PRKG2: variants seen among roughly 807,000 people sequenced by gnomAD.
PRKG2 encodes the protein protein kinase cGMP-dependent 2.
A neutral mutation model predicts 97.2 loss-of-function variants in PRKG2; 33 were observed. The ratio of observed to expected loss-of-function variants is 0.34; its 90% confidence interval spans 0.26 to 0.45. The LOEUF is 0.45. Ranked by LOEUF, PRKG2 falls within the 20% of genes least tolerant of loss-of-function variation. The probability of loss-of-function intolerance (pLI) is 1.00; values close to 1 mark genes in which losing one functional copy is unlikely to be tolerated. For missense variants in PRKG2, 638 were observed against 900.0 expected (o/e 0.71, Z 3.73); for synonymous variants, 330 against 321.8 (o/e 1.03, Z -0.27).
intron 14 of PRKG2, among the ~76,000 whole-genome samples, chr4:81,123,542 C>T (rs559292437): frequency 6.6e-6 from 1 of 152,198 alleles, no homozygotes; most frequent in African/African-American, 2.4e-5. Context: ...GGAGCTGGGA[C>T]TACAGGTGCC....
At chr4:81,134,985 A>T (rs528163407) in intron 14 of PRKG2, among the ~76,000 whole-genome samples, 170 bp downstream of exon 14, 1 of 152,328 alleles carries the variant, frequency 6.6e-6, no homozygotes, top group African/African-American at 2.4e-5. Flanking sequence ...TAGGTCAAAA[A>T]TAATGTACTC....
chr4:81,106,398 G>A (rs1578346982), intron 15 of PRKG2, among the ~76,000 whole-genome samples: 1 of 152,160 alleles, frequency 6.6e-6, no homozygotes, highest in Non-Finnish European at 1.5e-5. Context: ...AGTGAAGTGG[G>A]CAGTGTGGCT....
chr4:81,168,148 C>T (rs1750151443), intron 5 of PRKG2, among the ~76,000 whole-genome samples: 1 of 151,972 alleles, frequency 6.6e-6, no homozygotes, highest in African/African-American at 2.4e-5. Context: ...TTAACACAGG[C>T]TATCATGAAA....
intron 7 of PRKG2, chr4:81,153,356 G>C (rs1478985732): frequency 3.9e-6 from 1 of 256,586 alleles, no homozygotes; most frequent in African/African-American, 2.2e-5. Context: ...ATAGCCAGAA[G>C]GGACCTTATA....
intron 16 of PRKG2, among the ~76,000 whole-genome samples, chr4:81,104,889 A>G (rs1295526160): frequency 6.6e-6 from 1 of 152,126 alleles, no homozygotes; most frequent in Non-Finnish European, 1.5e-5. Context: ...CAGCAAAATG[A>G]ATTTTAAACA....
chr4:81,130,376 G>C (rs1460928557), intron 14 of PRKG2, among the ~76,000 whole-genome samples: 1 of 152,096 alleles, frequency 6.6e-6, no homozygotes, highest in Non-Finnish European at 1.5e-5. Context: ...CATCCCAGAG[G>C]GGCACCTGCC....
In PRKG2 at chr4:81,168,417, C is replaced by T. The variant is rs147656590; in HGVS notation, c.849-1193G>A. 5.4e-4 allele frequency among the ~76,000 whole-genome samples: 82 copies of T among 152,108 alleles called. 1 individual carries two copies. Among genetic ancestry groups the T allele is most frequent in the African/African-American group, 1.9e-3 (77 of 41,528 alleles). ...AATGAATATTCACTAGTAGATTATC[C>T]GAGCTTTTTCCACTAAGAACATACT... is the stretch of plus-strand genomic sequence containing the variant. On this transcript the variant is annotated intron_variant, in intron 5 of 18. Coordinates refer to ENST00000264399, the MANE Select transcript of PRKG2 (RefSeq NM_006259.3).
At chr4:81,095,678 G>T (rs1742042370) in intron 17 of PRKG2, among the ~76,000 whole-genome samples, 1 of 152,172 alleles carries the variant, frequency 6.6e-6, no homozygotes, top group African/African-American at 2.4e-5. Flanking sequence ...ATGCAGTGGT[G>T]TGTAAAAAAT....
At chr4:81,184,794 T>C (rs1195773997) in intron 2 of PRKG2, among the ~76,000 whole-genome samples, 1 of 152,098 alleles carries the variant, frequency 6.6e-6, no homozygotes, top group African/African-American at 2.4e-5. Context: ...GAGAAGAACA[T>C]AAATGACCTG....
intron 5 of PRKG2, among the ~76,000 whole-genome samples, chr4:81,168,766 A>T (rs1480894596): frequency 6.6e-6 from 1 of 152,184 alleles, no homozygotes; most frequent in East Asian, 1.9e-4. Context: ...AATCTCATTC[A>T]ATGTTTATTG....
chr4:81,153,609 T>C (rs1466673323), intron 7 of PRKG2, 35 bp downstream of exon 7: 5 of 1,478,496 alleles, frequency 3.4e-6, no homozygotes, highest in South Asian at 1.2e-5. Flanking sequence ...TTTAAAATAA[T>C]CTTTTTTATT....
At chr4:81,144,594 TTATA>T (rs61559089) in intron 9 of PRKG2, among the ~76,000 whole-genome samples, 1 of 131,324 alleles carries the variant, frequency 7.6e-6, no homozygotes, top group Non-Finnish European at 1.5e-5. Context: ...GTATTTAAGG[TTATA>T]TATATATATA....
intron 5 of PRKG2, among the ~76,000 whole-genome samples, chr4:81,169,393 TG>T (rs1436468336): frequency 6.6e-6 from 1 of 152,100 alleles, no homozygotes. Context: ...TTAGGTTTTT[TG>T]CACATTTTTC....
chr4:81,094,512 G>T (rs1741923815), intron 17 of PRKG2, among the ~76,000 whole-genome samples: 1 of 152,052 alleles, frequency 6.6e-6, no homozygotes, highest in Non-Finnish European at 1.5e-5. Flanking sequence ...TTTTTGTTTT[G>T]CTGGGAGGTG....
At chr4:81,129,005 G>C (rs1045303288) in intron 14 of PRKG2, among the ~76,000 whole-genome samples, 1 of 152,076 alleles carries the variant, frequency 6.6e-6, no homozygotes, top group African/African-American at 2.4e-5. Flanking sequence ...AGAAATTCTG[G>C]TATGTTGTGT....
chr4:81,158,859 A>G (rs1010165220), intron 6 of PRKG2, among the ~76,000 whole-genome samples: 10 of 152,030 alleles, frequency 6.6e-5, no homozygotes, highest in East Asian at 3.9e-4. Flanking sequence ...AGGATTCCCT[A>G]TTTACTAAAT....
intron 2 of PRKG2, among the ~76,000 whole-genome samples, chr4:81,197,389 A>G (rs1195147959): frequency 6.6e-6 from 1 of 152,230 alleles, no homozygotes; most frequent in Non-Finnish European, 1.5e-5. Context: ...AGCACTGCTC[A>G]AACTCACCTG....
In PRKG2 at chr4:81,135,203, G is replaced by A; in HGVS notation, c.1728C>T (p.Asp576=). Residue 576 remains aspartate (D), a synonymous_variant, in exon 14 of 19, where the codon GAC becomes GAT. Coordinates refer to ENST00000264399, the MANE Select transcript of PRKG2 (RefSeq NM_006259.3). ...CTAGAATTAAGTTTTCTGGTTTCAA[G>A]TCTCTGTAGATAATACCTAGTCGAT... is the stretch of plus-strand genomic sequence containing the variant. ...YLHRLGIIYR[D]LKPENLILDA... 2 of 1,611,546 alleles carry A rather than the reference G, an allele frequency of 1.2e-6. No individual in the cohort carries two copies. The highest frequency in any genetic ancestry group is 1.1e-5 in the South Asian group (1 of 90,588).
At chr4:81,117,486 T>G (rs539955698) in intron 14 of PRKG2, among the ~76,000 whole-genome samples, 1 of 152,306 alleles carries the variant, frequency 6.6e-6, no homozygotes, top group African/African-American at 2.4e-5. Context: ...TGTACAGTGT[T>G]TGCCCTAAAT....
Sources: gnomAD v4.1 joint callset for allele counts (sites outside exome capture counted in the v4.1 genomes callset) on GRCh38, gnomAD v4.1.1 for gene constraint, MANE v1.5 for transcripts, NCBI Gene and HGNC (gene_info 2026-07-23, HGNC 2026-07-21) for gene names.